The following PAK4 variants were observed in gnomAD, a reference collection of about 807,000 sequenced individuals.
The protein encoded by PAK4 is serine/threonine-protein kinase PAK 4.
A neutral mutation model predicts 53.5 loss-of-function variants in PAK4; 49 were observed. The ratio of observed to expected loss-of-function variants is 0.92; its 90% CI spans 0.73 to 1.16. PAK4 has a LOEUF of 1.16. PAK4 is among the 50% of genes most tolerant of loss of function. The probability of loss-of-function intolerance (pLI) is 0.00; values close to 1 mark genes in which losing one functional copy is unlikely to be tolerated. For synonymous variants in PAK4, 376 were observed against 375.6 expected (o/e 1.00, Z -0.01); for missense variants, 824 against 850.7 (o/e 0.97, Z 0.39).
chr19:39,138,286 C>G (rs1309442607), intron 1 of PAK4, among the ~76,000 whole-genome samples: 1 of 152,062 alleles, frequency 6.6e-6, no homozygotes, highest in Non-Finnish European at 1.5e-5. Context: ...CTCCTGAGCT[C>G]AAGCCAGCTG....
At chr19:39,181,308 T>C (rs2074698682), downstream of PAK4, 1 of 152,128 alleles carries the variant, frequency 6.6e-6, no homozygotes, top group East Asian at 1.9e-4. Flanking sequence ...GAGGCCCCGT[T>C]CCTCCCCACG....
Position 39,173,020 on chromosome 19 carries a change from G to T in PAK4, c.307G>T (p.Asp103Tyr). Residue 103 changes from aspartate to tyrosine, a missense_variant, in exon 3 of 9, where the codon GAC becomes TAC. Asp to Tyr is a radical substitution (Grantham distance 160). This residue lies in a region of PAK4 where 478 missense variants were observed against 435.8 expected (regional missense o/e 1.10). Coordinates refer to ENST00000358301, the Ensembl canonical transcript of PAK4. This position sits in a 1 kb window ranked among gnomAD's most constrained non-coding sequence, Gnocchi z 6.9. ...GACACGCTCCAACTCCCTGCGGAGA[G>T]ACAGCCCGCCGCCGCCCGCCCGTGC... The T allele has an allele frequency of 6.5e-7, 1 of 1,549,470 alleles. No homozygotes were observed. The highest frequency in any genetic ancestry group is 8.7e-7 in the Non-Finnish European group (1 of 1,146,986).
intron 1 of PAK4, among the ~76,000 whole-genome samples, chr19:39,135,644 A>T (rs144210974): frequency 1.3e-5 from 2 of 151,794 alleles, no homozygotes; most frequent in African/African-American, 2.4e-5. Context: ...CCAAGCGTGT[A>T]TTCTTTGACC....
In PAK4 at chr19:39,173,490, GTCCCA is replaced by G; in HGVS notation, c.664-83_664-79del. On this transcript the variant is annotated intron_variant, in intron 3 of 8. Transcript: ENST00000358301. The surrounding 1 kb of genome is among the most constrained non-coding windows in gnomAD (Gnocchi z 6.9). Reference sequence around the variant, plus strand: ...TCTCATCCTGACCACCCATGTGTCTGTCCCATCGCTGGGTCTCTCTCCTGCTTAGG... The same window carrying G: ...TCTCATCCTGACCACCCATGTGTCTGTCGCTGGGTCTCTCTCCTGCTTAGG... The G allele has an allele frequency of 3.0e-6, 4 of 1,354,958 alleles. No homozygotes were observed. The South Asian group carries it at 5.7e-5, about 19-fold the overall frequency. 83.9% of individuals were successfully genotyped at this position (1,354,958 alleles called of 1,614,324 possible). A position where few individuals can be genotyped will look rare whatever the true frequency, so the allele number is the denominator to read the frequency against.
intron 1 of PAK4, chr19:39,152,374 T>C (rs576411524): frequency 1.3e-5 from 2 of 152,310 alleles, no homozygotes; most frequent in African/African-American, 4.8e-5. Context: ...TGTTGCCGTA[T>C]CACAGTGCTT....
At chr19:39,135,839 G>T (rs973829015) in intron 1 of PAK4, among the ~76,000 whole-genome samples, 1 of 141,420 alleles carries the variant, frequency 7.1e-6, no homozygotes, top group African/African-American at 2.5e-5. Context: ...CCCATCCCTC[G>T]TCTTGTTTCG....
chr19:39,171,620 G>T (rs1367285641), intron 2 of PAK4, among the ~76,000 whole-genome samples: 1 of 152,244 alleles, frequency 6.6e-6, no homozygotes, highest in Non-Finnish European at 1.5e-5. Flanking sequence ...GGCAGCGGCA[G>T]ACCACGGATT....
rs1288857002 is a variant in PAK4, at chr19:39,175,310, A to G, written c.1233-2A>G. ...CTGCTCACCCCCCACCCCACCCCGC[A>G]GGATGAACGAGGAGCAGATCGCGGC... On this transcript the variant is annotated splice_acceptor_variant, in intron 5 of 8. Coordinates refer to ENST00000358301, the Ensembl canonical transcript of PAK4. LOFTEE classifies it high-confidence loss of function. The surrounding 1 kb of genome is among the most constrained non-coding windows in gnomAD (Gnocchi z 4.7). The G allele has an allele frequency of 8.3e-6, 13 of 1,572,544 alleles. No individual in the cohort carries two copies. The highest frequency in any genetic ancestry group is 1.1e-5 in the Non-Finnish European group (13 of 1,158,422).
chr19:39,164,898 C>T (rs1053264955), intron 1 of PAK4, among the ~76,000 whole-genome samples: 1 of 151,770 alleles, frequency 6.6e-6, no homozygotes, highest in Non-Finnish European at 1.5e-5. Context: ...GTGGGAGTAC[C>T]GAGCTGAGCC....
At chr19:39,171,362 C>T (rs1347970017) in intron 2 of PAK4, among the ~76,000 whole-genome samples, 1 of 152,198 alleles carries the variant, frequency 6.6e-6, no homozygotes, top group African/African-American at 2.4e-5. Context: ...GCGCCCACCA[C>T]TATGCCCATC....
intron 2 of PAK4, 140 bp downstream of exon 3, chr19:39,169,897 T>C: frequency 1.5e-6 from 1 of 672,038 alleles, no homozygotes; most frequent in Non-Finnish European, 2.5e-6. Context: ...TCCACCCCTA[T>C]CCTGGGTCCA....
At chr19:39,166,428 A>G (rs12972859) in intron 1 of PAK4, among the ~76,000 whole-genome samples, 9 of 152,226 alleles carry the variant, frequency 5.9e-5, no homozygotes, top group African/African-American at 2.2e-4. Context: ...TGGGCGACAG[A>G]GCAAGACTCC....
intron 1 of PAK4, among the ~76,000 whole-genome samples, chr19:39,163,357 C>G (rs1274128781): frequency 3.9e-5 from 6 of 152,220 alleles, no homozygotes; most frequent in Non-Finnish European, 5.9e-5. Context: ...CCAGCCCCCT[C>G]CCTTCCAGGG....
In PAK4 at chr19:39,178,805, C is replaced by T; in HGVS notation, c.*226C>T. The T allele has an allele frequency of 2.1e-6, 1 of 487,444 alleles. No homozygotes were observed. The highest frequency in any genetic ancestry group is 3.7e-5 in the East Asian group (1 of 26,910). 30.2% of individuals were successfully genotyped at this position (487,444 alleles called of 1,614,324 possible). The stretch of plus-strand genomic sequence containing the variant: ...TGGGAGCAAGCGAGGCTCCCAGGAC[C>T]CCCACCCTCTGGGACAGGCCCTCCC... On this transcript the variant is annotated 3_prime_UTR_variant, in exon 9 of 9. Coordinates refer to ENST00000358301, the Ensembl canonical transcript of PAK4. This position sits in a 1 kb window ranked among gnomAD's most constrained non-coding sequence, Gnocchi z 4.4.
At chr19:39,126,585 T>C (rs936434331) in intron 1 of PAK4, among the ~76,000 whole-genome samples, 2 of 152,072 alleles carry the variant, frequency 1.3e-5, no homozygotes, top group Non-Finnish European at 2.9e-5. Context: ...TATGAGCTTA[T>C]TCAGTCCTCA....
chr19:39,158,059 C>CGT (rs202070035), intron 1 of PAK4, among the ~76,000 whole-genome samples: 1 of 149,092 alleles, frequency 6.7e-6, no homozygotes, highest in South Asian at 2.1e-4. Context: ...TATTTGTGAG[C>CGT]GTGTGTGTGA....
At chr19:39,169,350 G>A (rs112143133) in intron 1 of PAK4, among the ~76,000 whole-genome samples, 182 bp from the exon 3 acceptor site, 3 of 152,196 alleles carry the variant, frequency 2.0e-5, no homozygotes, top group African/African-American at 7.2e-5. Flanking sequence ...GGGTGCTCAC[G>A]GGTACCCTCT....
intron 1 of PAK4, among the ~76,000 whole-genome samples, chr19:39,156,315 G>A (rs1034913956): frequency 6.6e-6 from 1 of 151,250 alleles, no homozygotes; most frequent in Non-Finnish European, 1.5e-5. Flanking sequence ...GCACCTAGTG[G>A]CCCCTGTCAC....
Position 39,175,143 on chromosome 19 carries a change from A to C in PAK4, c.1232+79A>C. ...CACTAGGGGTGGGGCCACATCTCCA[A>C]ACCAGCTGTGCTCCGGGCCCCTGGG... On this transcript the variant is annotated intron_variant, in intron 5 of 8. Transcript: ENST00000358301. The surrounding 1 kb of genome is among the most constrained non-coding windows in gnomAD (Gnocchi z 4.7). 5 of 1,534,120 alleles carry C rather than the reference A, an allele frequency of 3.3e-6. No homozygotes were observed. Among genetic ancestry groups the C allele is most frequent in the African/African-American group, 1.4e-5 (1 of 73,344 alleles).
Sources: gnomAD v4.1 joint callset for allele counts (sites outside exome capture counted in the v4.1 genomes callset) on GRCh38, gnomAD v4.1.1 for gene constraint, gnomAD v4.1.1 regional missense constraint, Gnocchi (gnomAD v3.1) non-coding constraint, MANE v1.5 for transcripts, NCBI Gene and HGNC (gene_info 2026-07-23, HGNC 2026-07-21) for gene names.